DCAF4L2: variants seen among roughly 807,000 people sequenced by gnomAD.
DCAF4L2 encodes DDB1 and CUL4 associated factor 4 like 2, also known as DDB1- and CUL4-associated factor 4-like protein 2.
DCAF4L2 carries 13 observed loss-of-function variants against 15.5 expected under a neutral mutation model. The observed-to-expected ratio is 0.84, with a 90% CI of 0.54 to 1.33. The LOEUF is 1.33. Ranked by LOEUF, DCAF4L2 falls within the 40% of genes most tolerant of loss-of-function variation. DCAF4L2 has a pLI of 0.00. For synonymous variants in DCAF4L2, 251 were observed against 207.0 expected, an observed-to-expected ratio of 1.21 and a Z score of -1.83; for missense variants, 519 against 509.6, an observed-to-expected ratio of 1.02 and a Z score of -0.18.
At position 87,871,687 on chromosome 8, in the gene DCAF4L2, G is replaced by T. The variant is rs945537748; in HGVS notation, c.*1097C>A. 3 of 152,052 alleles carry T rather than the reference G, an allele frequency of 2.0e-5. No homozygotes were observed. The highest frequency in any genetic ancestry group is 4.4e-5 in the Non-Finnish European group (3 of 68,006). 9.4% of individuals were successfully genotyped at this position (152,052 alleles called of 1,614,324 possible). A position where few individuals can be genotyped will look rare whatever the true frequency, so the allele number is the denominator to read the frequency against. On this transcript the variant is annotated 3_prime_UTR_variant, in exon 1 of 1. Coordinates refer to ENST00000319675, the MANE Select transcript of DCAF4L2 (RefSeq NM_152418.4). ...TACTATTCAAACTGTAATCACCATA[G>T]ATAAGTTTTTAGTGCTTTGGAACTT...
rs1233974485 is a variant in DCAF4L2, at chr8:87,872,933, G to A, written c.1039C>T (p.His347Tyr). ...YTRIWSLRHG[H>Y]LLTTIPSPYP... ...GGGGAGGGTATGGTTGTGAGCAGGT[G>A]GCCATGACGGAGGCTCCAGATTCTC... The change falls in exon 1 of 1, where the codon CAC becomes TAC. Residue 347 changes from histidine to tyrosine, a missense_variant. Physicochemically the swap from His to Tyr is moderately conservative, Grantham distance 83. Coordinates refer to ENST00000319675, the MANE Select transcript of DCAF4L2 (RefSeq NM_152418.4). 1 of 1,614,152 alleles carries A rather than the reference G, an allele frequency of 6.2e-7. No individual in the cohort carries two copies. Among genetic ancestry groups the A allele is most frequent in the East Asian group, 2.2e-5 (1 of 44,866 alleles).
In DCAF4L2 at chr8:87,872,833, C is replaced by T. The variant is rs758297121; in HGVS notation, c.1139G>A (p.Gly380Glu). 44 of 1,612,424 alleles carry T rather than the reference C, an allele frequency of 2.7e-5. 2 individuals carry two copies. The highest frequency in any genetic ancestry group is 3.4e-5 in the Non-Finnish European group (40 of 1,179,096). The change falls in exon 1 of 1, where the codon GGG (glycine) becomes GAG (glutamate). Residue 380 changes from glycine (G) to glutamate (E), a missense_variant. Coordinates refer to ENST00000319675, the MANE Select transcript of DCAF4L2 (RefSeq NM_152418.4). The part of the protein sequence containing the change: ...SRLGGFRGAP[G>E]LLMAVREDLY... Reference sequence around the variant, plus strand: ...GTCCTCCCGGACAGCCATGAGCAGCCCTGGTGCTCCTCGGAAGCCCCCGAG... The same window carrying T: ...GTCCTCCCGGACAGCCATGAGCAGCTCTGGTGCTCCTCGGAAGCCCCCGAG...
rs781734575 is a variant in DCAF4L2, at chr8:87,873,985, T to TGTTCTCCCTCCTGAGGGGAA, written c.-34_-15dup. 1.9e-5 allele frequency: 31 copies of TGTTCTCCCTCCTGAGGGGAA among 1,610,648 alleles called. No individual in the cohort carries two copies. The Admixed American group carries it at 3.5e-4, about 18-fold the overall frequency. On this transcript the variant is annotated 5_prime_UTR_variant, in exon 1 of 1. Coordinates refer to ENST00000319675, the MANE Select transcript of DCAF4L2 (RefSeq NM_152418.4). ...TTTGCTCTCCATTTCGTTCGGCGGA[T>TGTTCTCCCTCCTGAGGGGAA]GTTCTCCCTCCTGAGGGGAAGTTCT...
chr8:87,873,523 G>GC lies in DCAF4L2; in HGVS notation c.448dup (p.Ala150GlyfsTer18). The GC allele has an allele frequency of 6.2e-7, 1 of 1,614,208 alleles. No homozygotes were observed. The highest frequency in any genetic ancestry group is 8.5e-7 in the Non-Finnish European group (1 of 1,180,046). On this transcript the variant is annotated frameshift_variant, in exon 1 of 1. Transcript: ENST00000319675. LOFTEE classifies it high-confidence loss of function. ...CAGCACGGCACAGCTTGGAGTATCT[G>GC]CAAGTCCCACGAAGCACAGCAGAAG...
rs748253968 is a variant in DCAF4L2 at position 87,873,945 on chromosome 8, G to T, written c.27C>A (p.Leu9=). The T allele has an allele frequency of 6.2e-7, 1 of 1,613,796 alleles. No homozygotes were observed. The highest frequency in any genetic ancestry group is 8.5e-7 in the Non-Finnish European group (1 of 1,179,972). MESKRPRL[L]EEADKQKKTV... ...TCTTTTTCTGCTTGTCTGCTTCCTC[G>T]AGCAGTCGCGGTCTTTTGCTCTCCA... Residue 9 remains leucine (L), a synonymous_variant, in exon 1 of 1, where the codon CTC becomes CTA. Transcript: ENST00000319675.
rs747480698 is a variant in DCAF4L2, at chr8:87,873,939, T to C, written c.33A>G (p.Glu11=). The C allele has an allele frequency of 1.2e-6, 2 of 1,613,912 alleles. No individual in the cohort carries two copies. The highest frequency in any genetic ancestry group is 1.3e-5 in the African/African-American group (1 of 74,910). Residue 11 remains glutamate (E), a synonymous_variant, in exon 1 of 1, where the codon GAA becomes GAG. Coordinates refer to ENST00000319675, the MANE Select transcript of DCAF4L2 (RefSeq NM_152418.4). MESKRPRLLE[E]ADKQKKTVRV... The stretch of plus-strand genomic sequence containing the variant: ...TGACTGTCTTTTTCTGCTTGTCTGC[T>C]TCCTCGAGCAGTCGCGGTCTTTTGC...
chr8:87,872,517 G>T lies in DCAF4L2; in HGVS notation c.*267C>A. ...TTTTTTTGTTAAAAAAAAAAAAAAA[G>T]GGGGGGATAACTATTCTAAGGTATT... On this transcript the variant is annotated 3_prime_UTR_variant, in exon 1 of 1. Coordinates refer to ENST00000319675, the MANE Select transcript of DCAF4L2 (RefSeq NM_152418.4). 2 of 232,406 alleles carry T rather than the reference G, an allele frequency of 8.6e-6. No homozygotes were observed. Among genetic ancestry groups the T allele is most frequent in the Non-Finnish European group, 8.2e-6 (1 of 121,356 alleles). The allele number at this position is 232,406 out of a possible 1,614,324, so 14.4% of individuals were successfully genotyped here.
Position 87,873,931 on chromosome 8 carries a change from T to C in DCAF4L2, c.41A>G (p.Lys14Arg). The C allele has an allele frequency of 1.9e-6, 3 of 1,614,076 alleles. No homozygotes were observed. The highest frequency in any genetic ancestry group is 1.3e-5 in the African/African-American group (1 of 75,026). Residue 14 changes from lysine (K) to arginine (R), a missense_variant, in exon 1 of 1, where the codon AAG becomes AGG. By Grantham distance (26) the Lys-to-Arg change is conservative. Transcript: ENST00000319675. ...KRPRLLEEADKQKKTVRVGLN... is the reference protein window; with the variant it reads ...KRPRLLEEADRQKKTVRVGLN... ...TCCCACTCTGACTGTCTTTTTCTGCTTGTCTGCTTCCTCGAGCAGTCGCGG... is the reference window on the plus strand; with the variant it reads ...TCCCACTCTGACTGTCTTTTTCTGCCTGTCTGCTTCCTCGAGCAGTCGCGG...
chr8:87,873,054 T>G lies in DCAF4L2; in HGVS notation c.918A>C (p.Thr306=). ...AGTTATTCACATGACCTTCGTACTG[T>G]GTTACACATTTAGTGGCCCTCAAGT... ...LWDLRATKCV[T]QYEGHVNNSA... The change falls in exon 1 of 1, where the codon ACA becomes ACC. Residue 306 remains threonine, a synonymous_variant. Transcript: ENST00000319675. 6.2e-7 allele frequency: 1 copy of G among 1,614,192 alleles called. No individual in the cohort carries two copies. Among genetic ancestry groups the G allele is most frequent in the Non-Finnish European group, 8.5e-7 (1 of 1,180,038 alleles).
At position 87,873,411 on chromosome 8, in the gene DCAF4L2, G is replaced by A; in HGVS notation, c.561C>T (p.Ser187=). The A allele has an allele frequency of 6.2e-7, 1 of 1,614,158 alleles. No homozygotes were observed. The highest frequency in any genetic ancestry group is 2.2e-5 in the East Asian group (1 of 44,858). Residue 187 remains serine (S), a synonymous_variant, in exon 1 of 1, where the codon TCC becomes TCT. Transcript: ENST00000319675. ...CGTGGATGCTCAGGGACCAGGCACA[G>A]GACCAGGCATCAGGGATCTGGAAAC... The part of the protein sequence containing the change: ...LCSFQIPDAW[S]CAWSLSIHAY...
In DCAF4L2 at chr8:87,873,429, C is replaced by G. The variant is rs1465583239; in HGVS notation, c.543G>C (p.Gln181His). 1 of 1,614,204 alleles carries G rather than the reference C, an allele frequency of 6.2e-7. No homozygotes were observed. Among genetic ancestry groups the G allele is most frequent in the South Asian group, 1.1e-5 (1 of 91,086 alleles). ...AGGCACAGGACCAGGCATCAGGGAT[C>G]TGGAAACTGCAAAGCATGCCAGGCC... ...MRRPGMLCSFQIPDAWSCAWS... is the reference protein window; with the variant it reads ...MRRPGMLCSFHIPDAWSCAWS... The change falls in exon 1 of 1, where the codon CAG (glutamine) becomes CAC (histidine). Residue 181 changes from glutamine to histidine, a missense_variant. Physicochemically the swap from Gln to His is conservative, Grantham distance 24. Coordinates refer to ENST00000319675, the MANE Select transcript of DCAF4L2 (RefSeq NM_152418.4).
Position 87,872,485 on chromosome 8 carries a change from A to G in DCAF4L2, c.*299T>C, listed in dbSNP as rs555121946. 1.5e-3 allele frequency: 294 copies of G among 201,246 alleles called. 2 individuals carry two copies. The highest frequency in any genetic ancestry group is 2.3e-3 in the Non-Finnish European group (249 of 107,662). 12.5% of individuals were successfully genotyped at this position (201,246 alleles called of 1,614,324 possible). On this transcript the variant is annotated 3_prime_UTR_variant, in exon 1 of 1. Coordinates refer to ENST00000319675, the MANE Select transcript of DCAF4L2 (RefSeq NM_152418.4). ...GTTTTTGCCAATCTTCAGTCCTTAGAAAAGTGTTTTTTTGTTAAAAAAAAA... is the reference window on the plus strand; with the variant it reads ...GTTTTTGCCAATCTTCAGTCCTTAGGAAAGTGTTTTTTTGTTAAAAAAAAA...
At position 87,873,593 on chromosome 8, in the gene DCAF4L2, C is replaced by T. The variant is rs763393493; in HGVS notation, c.379G>A (p.Val127Met). 6 of 1,614,096 alleles carry T rather than the reference C, an allele frequency of 3.7e-6. No individual in the cohort carries two copies. The African/African-American group carries it at 6.7e-5, about 18-fold the overall frequency. ...AGTGAGGCCCAGCACATAGAATTCA[C>T]CTTCCGATTAGGGACGTAGAGGGTT... ...HKTLYVPNRK[V>M]NSMCWASLNH... Residue 127 changes from valine (V) to methionine (M), a missense_variant, in exon 1 of 1, where the codon GTG becomes ATG. Transcript: ENST00000319675.
Position 87,873,131 on chromosome 8 carries a change from C to T in DCAF4L2, c.841G>A (p.Asp281Asn), listed in dbSNP as rs1809431842. Residue 281 changes from aspartate to asparagine, a missense_variant, in exon 1 of 1, where the codon GAT becomes AAT. By Grantham distance (23) the Asp-to-Asn change is conservative. Coordinates refer to ENST00000319675, the MANE Select transcript of DCAF4L2 (RefSeq NM_152418.4). ...SAVTSLQILQ[D>N]GQFLVSSDMT... ...TCTGATGACACCAGGAATTGGCCATCTTGGAGGATTTGCAGAGAAGTCACT... is the reference window on the plus strand; with the variant it reads ...TCTGATGACACCAGGAATTGGCCATTTTGGAGGATTTGCAGAGAAGTCACT... 1 of 1,614,228 alleles carries T rather than the reference C, an allele frequency of 6.2e-7. No individual in the cohort carries two copies. The highest frequency in any genetic ancestry group is 8.5e-7 in the Non-Finnish European group (1 of 1,180,050).
Position 87,873,617 on chromosome 8 carries a change from T to G in DCAF4L2, c.355A>C (p.Thr119Pro). The G allele has an allele frequency of 6.2e-7, 1 of 1,613,884 alleles. No homozygotes were observed. Among genetic ancestry groups the G allele is most frequent in the South Asian group, 1.1e-5 (1 of 91,052 alleles). Reference sequence around the variant, plus strand: ...ACCTTCCGATTAGGGACGTAGAGGGTTTTGTGCGGGTATACCCGGAGCTCA... The same window carrying G: ...ACCTTCCGATTAGGGACGTAGAGGGGTTTGTGCGGGTATACCCGGAGCTCA... ...TPELRVYPHK[T>P]LYVPNRKVNS... Residue 119 changes from threonine (T) to proline (P), a missense_variant, in exon 1 of 1, where the codon ACC (threonine) becomes CCC (proline). Thr to Pro is a conservative substitution (Grantham distance 38). Coordinates refer to ENST00000319675, the MANE Select transcript of DCAF4L2 (RefSeq NM_152418.4).
At position 87,873,573 on chromosome 8, in the gene DCAF4L2, G is replaced by A. The variant is rs749202184; in HGVS notation, c.399C>T (p.Ala133=). Residue 133 remains alanine, a synonymous_variant, in exon 1 of 1, where the codon GCC becomes GCT. Transcript: ENST00000319675. The stretch of plus-strand genomic sequence containing the variant: ...GGTGGGAATCCAAGTGATTCAGTGA[G>A]GCCCAGCACATAGAATTCACCTTCC... ...PNRKVNSMCW[A]SLNHLDSHLL... 5.6e-6 allele frequency: 9 copies of A among 1,614,084 alleles called. No individual in the cohort carries two copies. Among genetic ancestry groups the A allele is most frequent in the African/African-American group, 4.0e-5 (3 of 74,936 alleles).
chr8:87,873,433 A>T lies in DCAF4L2; in HGVS notation c.539T>A (p.Phe180Tyr). ...ACAGGACCAGGCATCAGGGATCTGG[A>T]AACTGCAAAGCATGCCAGGCCGACG... ...GMRRPGMLCSFQIPDAWSCAW... is the reference protein window; with the variant it reads ...GMRRPGMLCSYQIPDAWSCAW... Residue 180 changes from phenylalanine to tyrosine, a missense_variant, in exon 1 of 1, where the codon TTC (phenylalanine) becomes TAC (tyrosine). By Grantham distance (22) the Phe-to-Tyr change is conservative. Coordinates refer to ENST00000319675, the MANE Select transcript of DCAF4L2 (RefSeq NM_152418.4). 1 of 1,614,194 alleles carries T rather than the reference A, an allele frequency of 6.2e-7. No homozygotes were observed. The highest frequency in any genetic ancestry group is 8.5e-7 in the Non-Finnish European group (1 of 1,180,030).
rs1327969010 is a variant in DCAF4L2 at position 87,873,400 on chromosome 8, G to C, written c.572C>G (p.Ser191Cys). 1.9e-6 allele frequency: 3 copies of C among 1,614,164 alleles called. No individual in the cohort carries two copies. Among genetic ancestry groups the C allele is most frequent in the Non-Finnish European group, 2.5e-6 (3 of 1,180,038 alleles). ...AGAGTGATACGCGTGGATGCTCAGG[G>C]ACCAGGCACAGGACCAGGCATCAGG... ...QIPDAWSCAW[S>C]LSIHAYHSFS... The change falls in exon 1 of 1, where the codon TCC becomes TGC. Residue 191 changes from serine (S) to cysteine (C), a missense_variant. Transcript: ENST00000319675.
At position 87,872,846 on chromosome 8, in the gene DCAF4L2, G is replaced by A; in HGVS notation, c.1126C>T (p.Arg376Ter). The stretch of plus-strand genomic sequence containing the variant: ...GCCATGAGCAGCCCTGGTGCTCCTC[G>A]GAAGCCCCCGAGGCGAGAAGAGAAG... ...VAFSSRLGGF[R>*]GAPGLLMAVR... Residue 376 changes from arginine (R) to a stop codon, truncating the protein, a stop_gained, in exon 1 of 1, where the codon CGA becomes TGA. Transcript: ENST00000319675. LOFTEE classifies it high-confidence loss of function. 3 of 1,613,550 alleles carry A rather than the reference G, an allele frequency of 1.9e-6. No individual in the cohort carries two copies. Among genetic ancestry groups the A allele is most frequent in the South Asian group, 2.2e-5 (2 of 91,014 alleles).
Sources: allele counts gnomAD v4.1 joint callset, GRCh38; gene constraint gnomAD v4.1.1; transcripts MANE v1.5; gene names NCBI Gene and HGNC (gene_info 2026-07-23, HGNC 2026-07-21).